Variants in CACNB2 observed in about 807,000 individuals in gnomAD.
CACNB2 encodes the protein calcium voltage-gated channel auxiliary subunit beta 2, also known as voltage-dependent L-type calcium channel subunit beta-2.
CACNB2 carries 42 observed loss-of-function variants against 73.3 expected under a neutral mutation model. That is an observed-to-expected ratio of 0.57 (90% CI 0.45 to 0.74). The LOEUF is 0.74. CACNB2 is among the 30% of genes least tolerant of loss of function. CACNB2 has a pLI of 0.00. For synonymous variants in CACNB2, 348 were observed against 310.3 expected (o/e 1.12, Z -1.28); for missense variants, 940 against 853.0 (o/e 1.10, Z -1.27).
chr10:18,230,283 A>G (rs2036175141), intron 2 of CACNB2, among the ~76,000 whole-genome samples: 1 of 152,202 alleles, frequency 6.6e-6, no homozygotes, highest in African/African-American at 2.4e-5. Flanking sequence ...TGCAGCAATG[A>G]ACTTTCCTTG....
intron 2 of CACNB2, among the ~76,000 whole-genome samples, chr10:18,376,921 A>T (rs2042822831): frequency 6.6e-6 from 1 of 152,212 alleles, no homozygotes; most frequent in Admixed American, 6.5e-5. Context: ...TGAACTTTAG[A>T]ATGAGCGGCT....
intron 2 of CACNB2, among the ~76,000 whole-genome samples, chr10:18,390,930 A>G (rs2043440526): frequency 6.6e-6 from 1 of 152,236 alleles, no homozygotes; most frequent in Non-Finnish European, 1.5e-5. Flanking sequence ...GCAATGAGTC[A>G]CTGGTACTTT....
chr10:18,166,159 T>A (rs1278714558), intron 2 of CACNB2, among the ~76,000 whole-genome samples: 3 of 152,224 alleles, frequency 2.0e-5, no homozygotes, highest in Non-Finnish European at 4.4e-5. Context: ...ATTAAGGTCA[T>A]AAGTATTTCT....
intron 3 of CACNB2, among the ~76,000 whole-genome samples, chr10:18,452,647 C>A (rs1421513927): frequency 6.6e-6 from 1 of 152,186 alleles, no homozygotes; most frequent in Non-Finnish European, 1.5e-5. Context: ...TGTGCTCAAG[C>A]CATCCTCCCA....
In CACNB2 at chr10:18,182,813, C is replaced by T. The variant is rs147870370; in HGVS notation, c.213+31838C>T. On this transcript the variant is annotated intron_variant, in intron 2 of 13. Transcript: ENST00000324631. The stretch of plus-strand genomic sequence containing the variant: ...CTCCAGCCTAGGTGACAGAATGAGA[C>T]TCTGTCTCAAAAAAAAAAAAAACAA... Among the ~76,000 whole-genome samples the T allele has an allele frequency of 2.6e-3, 369 of 142,854 alleles. 3 individuals are homozygous for T. The highest frequency in any genetic ancestry group is 9.5e-3 in the African/African-American group (357 of 37,662). 93.7% of individuals were successfully genotyped at this position (142,854 alleles called of 152,430 possible).
chr10:18,319,803 G>A (rs1335063924), intron 2 of CACNB2, among the ~76,000 whole-genome samples: 1 of 152,110 alleles, frequency 6.6e-6, no homozygotes, highest in Non-Finnish European at 1.5e-5. Context: ...TTTGAGCTGA[G>A]ACCTGTATGA....
chr10:18,454,673 G>A lies in CACNB2; in HGVS notation c.334-43682G>A, dbSNP rs1044199871. On this transcript the variant is annotated intron_variant, in intron 3 of 13. Transcript: ENST00000324631. Reference sequence around the variant, plus strand: ...TGCACTTTAAATGTCAATGGACTGTGTAGTATTTCAAAAGCACACACATGC... The same window carrying A: ...TGCACTTTAAATGTCAATGGACTGTATAGTATTTCAAAAGCACACACATGC... Among the ~76,000 whole-genome samples the A allele has an allele frequency of 3.9e-5, 6 of 152,314 alleles. No individual in the cohort carries two copies. In the East Asian group the frequency reaches 1.2e-3, roughly 29 times the overall value.
At chr10:18,417,860 ATTGAAG>A (rs777371533) in intron 3 of CACNB2, among the ~76,000 whole-genome samples, 2 of 152,200 alleles carry the variant, frequency 1.3e-5, no homozygotes, top group Non-Finnish European at 2.9e-5. Flanking sequence ...GGAAGAGAAA[ATTGAAG>A]TTAAAATGAA....
At chr10:18,267,583 G>A (rs943591645) in intron 2 of CACNB2, among the ~76,000 whole-genome samples, 2 of 152,196 alleles carry the variant, frequency 1.3e-5, no homozygotes, top group Admixed American at 6.5e-5. Context: ...TCCAGCCTGG[G>A]TGACAGAGTG....
intron 1 of CACNB2, among the ~76,000 whole-genome samples, chr10:18,149,611 T>A (rs949290783): frequency 7.2e-5 from 11 of 152,226 alleles, no homozygotes; most frequent in African/African-American, 2.7e-4. Flanking sequence ...GCCTAAGTGC[T>A]ACATATATTA....
chr10:18,412,819 C>T (rs1174540191), intron 3 of CACNB2, among the ~76,000 whole-genome samples: 2 of 152,212 alleles, frequency 1.3e-5, no homozygotes, highest in Non-Finnish European at 2.9e-5. Flanking sequence ...GGTTTCCAGA[C>T]TGAGCTCTGT....
chr10:18,285,894 C>CA (rs1392313463), intron 2 of CACNB2, among the ~76,000 whole-genome samples: 1 of 152,114 alleles, frequency 6.6e-6, no homozygotes, highest in Non-Finnish European at 1.5e-5. Flanking sequence ...AGTGTATTGT[C>CA]AACCCTTTTG....
At chr10:18,505,018 C>T (rs995150674) in intron 5 of CACNB2, among the ~76,000 whole-genome samples, 3 of 152,048 alleles carry the variant, frequency 2.0e-5, no homozygotes, top group Non-Finnish European at 2.9e-5. Context: ...AACTCTGATA[C>T]AGAAATTATA....
At chr10:18,354,267 T>C (rs976099011) in intron 2 of CACNB2, among the ~76,000 whole-genome samples, 2 of 152,162 alleles carry the variant, frequency 1.3e-5, no homozygotes, top group African/African-American at 4.8e-5. Context: ...TGTTAGCTCC[T>C]TTTTTTCCTC....
At chr10:18,288,263 A>G (rs996000000) in intron 2 of CACNB2, among the ~76,000 whole-genome samples, 2 of 152,230 alleles carry the variant, frequency 1.3e-5, no homozygotes, top group Admixed American at 6.5e-5. Context: ...TTGTAATTCA[A>G]AGGAACACAA....
intron 2 of CACNB2, among the ~76,000 whole-genome samples, chr10:18,174,184 ACCTC>A (rs936621751): frequency 5.5e-5 from 8 of 145,218 alleles, no homozygotes; most frequent in Non-Finnish European, 7.6e-5. Flanking sequence ...TTCTTTCCTT[ACCTC>A]CCTCCCTCCC....
chr10:18,264,741 G>T (rs2037712643), intron 2 of CACNB2, among the ~76,000 whole-genome samples: 1 of 152,180 alleles, frequency 6.6e-6, no homozygotes, highest in East Asian at 1.9e-4. Context: ...CCATTGTGTG[G>T]CTCTGTGATG....
chr10:18,158,255 AG>A (rs1332964267), intron 2 of CACNB2, among the ~76,000 whole-genome samples: 1 of 152,220 alleles, frequency 6.6e-6, no homozygotes, highest in Non-Finnish European at 1.5e-5. Context: ...CTAGTTTTAC[AG>A]TAACCTCATT....
At chr10:18,219,121 T>C (rs986160606) in intron 2 of CACNB2, among the ~76,000 whole-genome samples, 1 of 152,192 alleles carries the variant, frequency 6.6e-6, no homozygotes, top group African/African-American at 2.4e-5. Context: ...ACCATGATCA[T>C]GCCATTGCAT....
Sources: gnomAD v4.1 joint callset for allele counts (sites outside exome capture counted in the v4.1 genomes callset) on GRCh38, gnomAD v4.1.1 for gene constraint, MANE v1.5 for transcripts, NCBI Gene and HGNC (gene_info 2026-07-23, HGNC 2026-07-21) for gene names.